Variants in VLDLR observed in about 807,000 individuals in gnomAD.
VLDLR encodes the protein very low density lipoprotein receptor, also known as very low-density lipoprotein receptor.
VLDLR carries 81 observed loss-of-function variants against 112.7 expected under a neutral mutation model. The ratio of observed to expected loss-of-function variants is 0.72; its 90% CI spans 0.60 to 0.86. The LOEUF (loss-of-function observed/expected upper bound fraction) is 0.86. VLDLR is among the 40% of genes least tolerant of loss of function. VLDLR has a pLI of 0.00. For missense variants in VLDLR, 1,237 were observed against 1,099.4 expected (o/e 1.13, Z -1.77); for synonymous variants, 436 against 384.8 (o/e 1.13, Z -1.56).
chr9:2,651,540 G>A (rs2130807880), intron 16 of VLDLR, 42 bp downstream of exon 16: 1 of 1,517,172 alleles, frequency 6.6e-7, no homozygotes, highest in South Asian at 1.1e-5. Flanking sequence ...TCAACTAACA[G>A]CCACACTCTT....
At chr9:2,636,722 C>T (rs1817611911) in intron 2 of VLDLR, among the ~76,000 whole-genome samples, 1 of 152,196 alleles carries the variant, frequency 6.6e-6, no homozygotes, top group African/African-American at 2.4e-5. Flanking sequence ...TTAATCTATT[C>T]CACAAGACAC....
At chr9:2,630,304 T>G (rs1817284588) in intron 1 of VLDLR, among the ~76,000 whole-genome samples, 1 of 152,122 alleles carries the variant, frequency 6.6e-6, no homozygotes, top group South Asian at 2.1e-4. Context: ...GTCATTAAAG[T>G]GGCAAGCAGT....
At chr9:2,650,326 G>A (rs750343088) in intron 14 of VLDLR, 44 bp from the exon 15 acceptor site, 2 of 1,612,232 alleles carry the variant, frequency 1.2e-6, no homozygotes, top group Non-Finnish European at 1.7e-6. Flanking sequence ...ATATATACTA[G>A]GCACCGGAAT....
intron 3 of VLDLR, among the ~76,000 whole-genome samples, chr9:2,640,460 C>G (rs897433464): frequency 6.6e-6 from 1 of 152,094 alleles, no homozygotes; most frequent in Non-Finnish European, 1.5e-5. Context: ...CACATGTAAC[C>G]TCAAGTTACT....
intron 1 of VLDLR, among the ~76,000 whole-genome samples, chr9:2,625,809 C>T (rs569517138): frequency 5.3e-5 from 8 of 152,170 alleles, no homozygotes; most frequent in South Asian, 4.1e-4. Context: ...ACTTGTTAAG[C>T]GGAAGTAAGT....
chr9:2,629,761 T>C (rs1817254075), intron 1 of VLDLR, among the ~76,000 whole-genome samples: 1 of 152,208 alleles, frequency 6.6e-6, no homozygotes, highest in South Asian at 2.1e-4. Context: ...TATTCACCAC[T>C]TTTTAGTGGC....
intron 4 of VLDLR, 82 bp from the exon 5 acceptor site, chr9:2,643,078 T>TTAGGAATAATGAAAA: frequency 1.3e-6 from 2 of 1,587,712 alleles, no homozygotes; most frequent in East Asian, 4.5e-5. Context: ...TGAATAAAGA[T>TTAGGAATAATGAAAA]CAATGTATTA....
At position 2,622,219 on chromosome 9, in the gene VLDLR, G is replaced by A; in HGVS notation, c.30G>A (p.Trp10Ter). MGTSALWAL[W>*]LLLALCWAPR... ...GCACGTCCGCGCTCTGGGCGCTCTG[G>A]CTGCTGCTCGCGCTGTGCTGGGCGC... Residue 10 changes from tryptophan (W) to a stop codon, truncating the protein, a stop_gained, in exon 1 of 19, where the codon TGG (tryptophan) becomes TGA (stop). Transcript: ENST00000382100. LOFTEE classifies it high-confidence loss of function. The A allele has an allele frequency of 6.6e-7, 1 of 1,505,908 alleles. No homozygotes were observed. Among genetic ancestry groups the A allele is most frequent in the Non-Finnish European group, 8.8e-7 (1 of 1,134,178 alleles). The allele number at this position is 1,505,908 out of a possible 1,614,324, so 93.3% of individuals were successfully genotyped here.
At position 2,648,209 on chromosome 9, in the gene VLDLR, C is replaced by T. The variant is rs758526433; in HGVS notation, c.1824C>T (p.Asp608=). The T allele has an allele frequency of 6.2e-7, 1 of 1,614,110 alleles. No individual in the cohort carries two copies. Among genetic ancestry groups the T allele is most frequent in the Non-Finnish European group, 8.5e-7 (1 of 1,180,016 alleles). ...DIQWPNGITL[D]LIKSRLYWLD... Reference sequence around the variant, plus strand: ...AATGACAATTCTTTTCCTACCTAGACCTTATAAAAAGTCGCCTCTATTGGC... The same window carrying T: ...AATGACAATTCTTTTCCTACCTAGATCTTATAAAAAGTCGCCTCTATTGGC... Residue 608 remains aspartate (D), a splice_region_variant and synonymous_variant, in exon 13 of 19, where the codon GAC becomes GAT. Transcript: ENST00000382100.
chr9:2,643,741 T>C lies in VLDLR; in HGVS notation c.934T>C (p.Cys312Arg). The C allele has an allele frequency of 6.2e-7, 1 of 1,614,184 alleles. No individual in the cohort carries two copies. Among genetic ancestry groups the C allele is most frequent in the East Asian group, 2.2e-5 (1 of 44,886 alleles). The change falls in exon 6 of 19, where the codon TGC (cysteine) becomes CGC (arginine). Residue 312 changes from cysteine (C) to arginine (R), a missense_variant. By Grantham distance (180) the Cys-to-Arg change is radical. Coordinates refer to ENST00000382100, the MANE Select transcript of VLDLR (RefSeq NM_003383.5). ...TGTCGATGGTTCCGATGAAGTCAAC[T>C]GCAAAAATGGTAAGGGTTTCTTCTT... ...DCVDGSDEVN[C>R]KNVNQCLGPG...
chr9:2,657,890 C>T lies in VLDLR; in HGVS notation c.*4022C>T, dbSNP rs954030328. Reference sequence around the variant, plus strand: ...AGAATTGTAATACTAAAAAACTACTCGAGTAAATATCCTAACAAGTATGAT... The same window carrying T: ...AGAATTGTAATACTAAAAAACTACTTGAGTAAATATCCTAACAAGTATGAT... On this transcript the variant is annotated 3_prime_UTR_variant, in exon 19 of 19. Transcript: ENST00000382100. 2 of 152,216 alleles carry T rather than the reference C, an allele frequency of 1.3e-5. No homozygotes were observed. The highest frequency in any genetic ancestry group is 6.5e-5 in the Admixed American group (1 of 15,288). 9.4% of individuals were successfully genotyped at this position (152,216 alleles called of 1,614,324 possible).
intron 4 of VLDLR, among the ~76,000 whole-genome samples, chr9:2,642,163 C>T (rs79098113): frequency 0.015 from 2,340 of 152,150 alleles, 69 homozygotes; most frequent in African/African-American, 0.054. Context: ...AAGGTGAGGG[C>T]CTGGGAAAAT....
At chr9:2,644,455 C>T (rs897940553) in intron 7 of VLDLR, among the ~76,000 whole-genome samples, 2 of 151,618 alleles carry the variant, frequency 1.3e-5, no homozygotes, top group Non-Finnish European at 1.5e-5. Context: ...AGGCATGAGC[C>T]ACCGCGCCCG....
chr9:2,623,651 T>A (rs1816943915), intron 1 of VLDLR, among the ~76,000 whole-genome samples: 1 of 152,210 alleles, frequency 6.6e-6, no homozygotes, highest in African/African-American at 2.4e-5. Flanking sequence ...TGGTTAGCGG[T>A]GCGATCACGT....
In VLDLR at chr9:2,656,994, G is replaced by A. The variant is rs1249594631; in HGVS notation, c.*3126G>A. 1 of 140,264 alleles carries A rather than the reference G, an allele frequency of 7.1e-6. No individual in the cohort carries two copies. Among genetic ancestry groups the A allele is most frequent in the Non-Finnish European group, 1.5e-5 (1 of 65,372 alleles). 8.7% of individuals were successfully genotyped at this position (140,264 alleles called of 1,614,324 possible). A position where few individuals can be genotyped will look rare whatever the true frequency, so the allele number is the denominator to read the frequency against. ...AATTGAGGCTTTCACTTTGGCATTT[G>A]CTTCTGTTCCTTGTATCTGTGGAAG... On this transcript the variant is annotated 3_prime_UTR_variant, in exon 19 of 19. Transcript: ENST00000382100.
intron 2 of VLDLR, 131 bp from the exon 3 acceptor site, chr9:2,639,728 G>C: frequency 1.6e-6 from 2 of 1,289,796 alleles, no homozygotes; most frequent in Non-Finnish European, 2.2e-6. Flanking sequence ...CCTGGATATT[G>C]GCAGTTGAGT....
At chr9:2,630,394 A>G (rs953845972) in intron 1 of VLDLR, among the ~76,000 whole-genome samples, 2 of 152,170 alleles carry the variant, frequency 1.3e-5, no homozygotes, top group Admixed American at 1.3e-4. Flanking sequence ...AATTCCAGCA[A>G]GTAACACCCA....
chr9:2,652,168 A>G (rs1818380511), intron 17 of VLDLR, among the ~76,000 whole-genome samples: 1 of 152,216 alleles, frequency 6.6e-6, no homozygotes, highest in South Asian at 2.1e-4. Context: ...TGGCAATGAT[A>G]AGTGTTCAAC....
At position 2,645,102 on chromosome 9, in the gene VLDLR, T is replaced by A. The variant is rs769061627; in HGVS notation, c.1312+20T>A. The A allele has an allele frequency of 8.1e-6, 13 of 1,614,012 alleles. No individual in the cohort carries two copies. Among genetic ancestry groups the A allele is most frequent in the Non-Finnish European group, 1.1e-5 (13 of 1,179,992 alleles). ...CAGTAGGTAAATGAACTTGGACTGG[T>A]ATGGCTGTTGTACCTTTATGAGTAA... On this transcript the variant is annotated intron_variant, in intron 9 of 18. Transcript: ENST00000382100.
Sources: gnomAD v4.1 joint callset for allele counts (sites outside exome capture counted in the v4.1 genomes callset) on GRCh38, gnomAD v4.1.1 for gene constraint, MANE v1.5 for transcripts, NCBI Gene and HGNC (gene_info 2026-07-23, HGNC 2026-07-21) for gene names.